Variants in SORCS2 observed in about 807,000 individuals in gnomAD.
SORCS2 encodes VPS10 domain-containing receptor SorCS2.
In SORCS2, 100 loss-of-function variants were observed where a neutral mutation model predicts 141.6. That is an observed-to-expected ratio of 0.71 (90% confidence interval 0.60 to 0.83). SORCS2 has a LOEUF of 0.83. Among genes scored for constraint, SORCS2 ranks in the 40% least tolerant of loss-of-function variants. The pLI, the probability that SORCS2 is intolerant of heterozygous loss-of-function variation, is 0.00. For synonymous variants in SORCS2, 789 were observed against 676.9 expected, an observed-to-expected ratio of 1.17 and a Z score of -2.57; for missense variants, 1,646 against 1,560.2, an observed-to-expected ratio of 1.05 and a Z score of -0.93.
chr4:7,740,512 G>A lies in SORCS2; in HGVS notation c.*248G>A. ...GGGACACCAGGCCTGACTCAGGCAG[G>A]TTCTGCCCCCCAGACCCCACACACG... is the stretch of plus-strand genomic sequence containing the variant. On this transcript the variant is annotated 3_prime_UTR_variant, in exon 27 of 27. Coordinates refer to ENST00000507866, the MANE Select transcript of SORCS2 (RefSeq NM_020777.3). The A allele has an allele frequency of 1.8e-6, 1 of 548,910 alleles. No homozygotes were observed. Among genetic ancestry groups the A allele is most frequent in the Non-Finnish European group, 3.3e-6 (1 of 303,292 alleles). 34.0% of individuals were successfully genotyped at this position (548,910 alleles called of 1,614,324 possible).
chr4:7,327,764 T>G (rs535423620), intron 1 of SORCS2, among the ~76,000 whole-genome samples: 2 of 152,290 alleles, frequency 1.3e-5, no homozygotes, highest in Admixed American at 1.3e-4. Context: ...GAAGCCTCTT[T>G]TCCCTTCCTG....
intron 2 of SORCS2, among the ~76,000 whole-genome samples, chr4:7,437,780 C>T (rs1727404776): frequency 6.6e-6 from 1 of 152,010 alleles, no homozygotes; most frequent in Non-Finnish European, 1.5e-5. Flanking sequence ...AAGAAGGGTA[C>T]AAGGCACTCC....
chr4:7,475,441 C>A (rs1435914109), intron 2 of SORCS2, among the ~76,000 whole-genome samples: 1 of 152,126 alleles, frequency 6.6e-6, no homozygotes, highest in African/African-American at 2.4e-5. Flanking sequence ...CTCGGCCGGC[C>A]CCCCGAGGGC....
chr4:7,498,320 G>A lies in SORCS2; in HGVS notation c.549-33210G>A, dbSNP rs112133682. On this transcript the variant is annotated intron_variant, in intron 2 of 26. Coordinates refer to ENST00000507866, the MANE Select transcript of SORCS2 (RefSeq NM_020777.3). The stretch of plus-strand genomic sequence containing the variant: ...GCTGATGTGGGGATCGCAACCCTTT[G>A]CTACGGGTAAAGGGGAGGCCCAGAG... Among the ~76,000 whole-genome samples, 222 of 152,330 alleles carry A rather than the reference G, an allele frequency of 1.5e-3. 1 individual carries two copies. Among genetic ancestry groups the A allele is most frequent in the Middle Eastern group, 6.8e-3 (2 of 294 alleles).
intron 1 of SORCS2, among the ~76,000 whole-genome samples, chr4:7,258,732 A>G (rs1714098558): frequency 6.6e-6 from 1 of 152,270 alleles, no homozygotes; most frequent in Admixed American, 6.5e-5. Flanking sequence ...ACTGTCTTCC[A>G]CAATGGTTGA....
At chr4:7,631,834 G>A (rs1719917465) in intron 3 of SORCS2, among the ~76,000 whole-genome samples, 1 of 152,028 alleles carries the variant, frequency 6.6e-6, no homozygotes, top group Non-Finnish European at 1.5e-5. Context: ...CCTGGACAGA[G>A]CTGCCGCTGC....
intron 18 of SORCS2, among the ~76,000 whole-genome samples, chr4:7,721,426 A>G (rs1188963598): frequency 6.6e-6 from 1 of 152,126 alleles, no homozygotes; most frequent in Non-Finnish European, 1.5e-5. Context: ...AGATCCCACC[A>G]CTGTACTCCA....
At chr4:7,202,120 G>A (rs1048369380) in intron 1 of SORCS2, among the ~76,000 whole-genome samples, 3 of 152,166 alleles carry the variant, frequency 2.0e-5, no homozygotes, top group Non-Finnish European at 4.4e-5. Context: ...GTTCCCACAA[G>A]CACAGACCAT....
At chr4:7,390,061 T>C (rs1723755598) in intron 1 of SORCS2, among the ~76,000 whole-genome samples, 1 of 152,162 alleles carries the variant, frequency 6.6e-6, no homozygotes, top group African/African-American at 2.4e-5. Flanking sequence ...CAGTCCCCAC[T>C]GTGAGGGGGA....
chr4:7,595,202 T>C (rs1481645984), intron 3 of SORCS2, among the ~76,000 whole-genome samples: 28 of 152,130 alleles, frequency 1.8e-4, no homozygotes, highest in Non-Finnish European at 1.5e-4. Flanking sequence ...CGGTTTATTA[T>C]GGATACAACT....
chr4:7,440,295 A>C (rs1171886299), intron 2 of SORCS2, among the ~76,000 whole-genome samples: 2 of 152,128 alleles, frequency 1.3e-5, no homozygotes, highest in East Asian at 3.9e-4. Flanking sequence ...CTCCCCAAAT[A>C]ATTGTTCTGG....
chr4:7,736,046 A>G (rs1426233862), intron 25 of SORCS2, among the ~76,000 whole-genome samples: 1 of 152,246 alleles, frequency 6.6e-6, no homozygotes, highest in Non-Finnish European at 1.5e-5. Flanking sequence ...GAAGTGCCCA[A>G]TATACTTCAA....
rs1387164199 is a variant in SORCS2 at position 7,724,492 on chromosome 4, G to T, written c.2611+609G>T. ...GATGGTGATGGTGGTGATGGTGGTG[G>T]TGGTGACAATGGTGGTGGTGATGGT... On this transcript the variant is annotated intron_variant, in intron 19 of 26. Transcript: ENST00000507866. 1.5e-3 allele frequency among the ~76,000 whole-genome samples: 211 copies of T among 142,282 alleles called. 7 individuals carry two copies. The highest frequency in any genetic ancestry group is 2.5e-3 in the Non-Finnish European group (166 of 66,142). The allele number at this position is 142,282 out of a possible 152,430, so 93.3% of individuals were successfully genotyped here.
intron 1 of SORCS2, among the ~76,000 whole-genome samples, chr4:7,272,167 T>A (rs1715186891): frequency 6.6e-6 from 1 of 152,168 alleles, no homozygotes; most frequent in Admixed American, 6.6e-5. Flanking sequence ...CTTCAAGGAC[T>A]CCATCCTCAT....
intron 2 of SORCS2, among the ~76,000 whole-genome samples, chr4:7,398,720 G>A (rs755249803): frequency 6.6e-6 from 1 of 152,154 alleles, no homozygotes; most frequent in South Asian, 2.1e-4. Context: ...TCCATGTAGT[G>A]ACAGGGTCTG....
At chr4:7,434,536 C>A in intron 2 of SORCS2, 1 of 1,613,188 alleles carries the variant, frequency 6.2e-7, no homozygotes, top group South Asian at 1.1e-5. Flanking sequence ...GATGGCCGAA[C>A]TGTGGGCATC....
chr4:7,567,678 C>T (rs969549248), intron 3 of SORCS2, among the ~76,000 whole-genome samples: 12 of 152,172 alleles, frequency 7.9e-5, no homozygotes, highest in Non-Finnish European at 7.3e-5. Context: ...GCACACTGCC[C>T]TCTTTGGAAG....
intron 1 of SORCS2, among the ~76,000 whole-genome samples, chr4:7,323,461 C>A (rs911336808): frequency 1.5e-4 from 23 of 152,116 alleles, no homozygotes; most frequent in African/African-American, 5.6e-4. Flanking sequence ...AAGAGGTAGA[C>A]CTTGATCCTG....
In SORCS2 at chr4:7,448,587, T is replaced by G. The variant is rs115751308; in HGVS notation, c.548+52232T>G. Among the ~76,000 whole-genome samples, 599 of 88,230 alleles carry G rather than the reference T, an allele frequency of 6.8e-3. 2 individuals carry two copies. The highest frequency in any genetic ancestry group is 0.026 in the African/African-American group (572 of 22,004). The allele number at this position is 88,230 out of a possible 152,430, so 57.9% of individuals were successfully genotyped here. ...CCTCCCTTGCTTCCTTCCTCTCCTTTCCCTCTCTTCCTCTATCCCTTCCTT... is the reference window on the plus strand; with the variant it reads ...CCTCCCTTGCTTCCTTCCTCTCCTTGCCCTCTCTTCCTCTATCCCTTCCTT... On this transcript the variant is annotated intron_variant, in intron 2 of 26. Transcript: ENST00000507866.
Sources: gnomAD v4.1 joint callset for allele counts (sites outside exome capture counted in the v4.1 genomes callset) on GRCh38, gnomAD v4.1.1 for gene constraint, MANE v1.5 for transcripts, NCBI Gene and HGNC (gene_info 2026-07-23, HGNC 2026-07-21) for gene names.